Variants in BBS4 observed in about 807,000 individuals in gnomAD.
BBS4 encodes the protein BBSome complex member BBS4.
Under a neutral mutation model 71.4 loss-of-function variants are expected in BBS4, and 58 were observed. The observed-to-expected ratio is 0.81, with a 90% CI of 0.66 to 1.01. The LOEUF is 1.01. Among genes scored for constraint, BBS4 ranks in the 50% least tolerant of loss-of-function variants. BBS4 has a pLI of 0.00. For synonymous variants in BBS4, 228 were observed against 216.8 expected (o/e 1.05, Z -0.46); for missense variants, 660 against 607.9 (o/e 1.09, Z -0.90).
intron 4 of BBS4, among the ~76,000 whole-genome samples, chr15:72,714,914 C>T (rs945233047): frequency 6.6e-6 from 1 of 152,136 alleles, no homozygotes. Flanking sequence ...TTTGGGGGTT[C>T]GCTCTGAAAA....
intron 12 of BBS4, among the ~76,000 whole-genome samples, 199 bp downstream of exon 12, chr15:72,731,925 T>G (rs989683733): frequency 6.6e-6 from 1 of 152,194 alleles, no homozygotes; most frequent in African/African-American, 2.4e-5. Context: ...TGGGGGAGTT[T>G]GACTCAGAGA....
chr15:72,701,762 T>A (rs1226785566), intron 2 of BBS4, among the ~76,000 whole-genome samples: 2 of 152,206 alleles, frequency 1.3e-5, no homozygotes, highest in Admixed American at 6.5e-5. Context: ...TAGTTATTTT[T>A]AAAAATCATT....
At chr15:72,724,491 A>G in intron 7 of BBS4, 37 bp from the exon 8 acceptor site, 1 of 1,612,310 alleles carries the variant, frequency 6.2e-7, no homozygotes, top group Non-Finnish European at 8.5e-7. Flanking sequence ...GTTCAGTGGT[A>G]GTGATTTGGT....
intron 1 of BBS4, among the ~76,000 whole-genome samples, chr15:72,694,862 T>C (rs2065047083): frequency 6.6e-6 from 1 of 152,204 alleles, no homozygotes; most frequent in African/African-American, 2.4e-5. Context: ...GCATCAAGTA[T>C]AATACTCATA....
At chr15:72,728,821 A>G (rs777584141) in intron 9 of BBS4, among the ~76,000 whole-genome samples, 5 of 152,202 alleles carry the variant, frequency 3.3e-5, no homozygotes, top group Non-Finnish European at 7.4e-5. Context: ...CCTCTTCCCC[A>G]ATATACACAT....
chr15:72,715,849 T>C (rs2151023932), intron 5 of BBS4, among the ~76,000 whole-genome samples: 1 of 152,376 alleles, frequency 6.6e-6, no homozygotes, highest in East Asian at 1.9e-4. Flanking sequence ...AATTGTTATG[T>C]ATTCAGTAGA....
chr15:72,703,341 T>C (rs1041338741), intron 2 of BBS4, among the ~76,000 whole-genome samples: 9 of 152,350 alleles, frequency 5.9e-5, no homozygotes, highest in Non-Finnish European at 1.0e-4. Context: ...CCATTGCCTG[T>C]TCTCTGCATT....
intron 1 of BBS4, among the ~76,000 whole-genome samples, chr15:72,694,332 A>T (rs547818154): frequency 6.6e-6 from 1 of 151,822 alleles, no homozygotes; most frequent in African/African-American, 2.4e-5. Context: ...CTGGGACTAT[A>T]GGCACGTGCC....
chr15:72,735,195 T>C lies in BBS4; in HGVS notation c.1106+13T>C. The C allele has an allele frequency of 1.9e-6, 3 of 1,608,082 alleles. No individual in the cohort carries two copies. Among genetic ancestry groups the C allele is most frequent in the Admixed American group, 3.3e-5 (2 of 59,986 alleles). Reference sequence around the variant, plus strand: ...TCCACCTGGATAAGTATGCACTTTGTTGAGAATGGTACTGGCGGGGGTTGG... The same window carrying C: ...TCCACCTGGATAAGTATGCACTTTGCTGAGAATGGTACTGGCGGGGGTTGG... On this transcript the variant is annotated intron_variant, in intron 13 of 15. Coordinates refer to ENST00000268057, the MANE Select transcript of BBS4 (RefSeq NM_033028.5).
chr15:72,698,940 T>G (rs2065124729), intron 2 of BBS4, among the ~76,000 whole-genome samples: 1 of 152,206 alleles, frequency 6.6e-6, no homozygotes, highest in African/African-American at 2.4e-5. Context: ...CACCCTAAAG[T>G]CTACATGAAA....
At chr15:72,691,109 C>G (rs1029948221) in intron 1 of BBS4, among the ~76,000 whole-genome samples, 1 of 152,110 alleles carries the variant, frequency 6.6e-6, no homozygotes, top group East Asian at 1.9e-4. Flanking sequence ...CTCAACCTCC[C>G]GAGTAGCTGG....
In BBS4 at chr15:72,707,179, TTTC is replaced by T. The variant is rs1288917574; in HGVS notation, c.77-2518_77-2516del. ...TCTTCCCTTTCTTTTCCTTTTTTCT[TTTC>T]TTTTTTTTTTTTTGGAGACAGAATC... On this transcript the variant is annotated intron_variant, in intron 2 of 15. Coordinates refer to ENST00000268057, the MANE Select transcript of BBS4 (RefSeq NM_033028.5). 7.5e-5 allele frequency among the ~76,000 whole-genome samples: 11 copies of T among 147,422 alleles called. 3 individuals carry two copies. The highest frequency in any genetic ancestry group is 1.2e-4 in the Non-Finnish European group (8 of 66,580).
At chr15:72,709,020 T>TTA (rs1285307254) in intron 2 of BBS4, among the ~76,000 whole-genome samples, 1 of 152,230 alleles carries the variant, frequency 6.6e-6, no homozygotes, top group East Asian at 1.9e-4. Flanking sequence ...TGTTGGACCC[T>TTA]TATCAGGAGT....
At chr15:72,710,811 G>A (rs2065355382) in intron 3 of BBS4, among the ~76,000 whole-genome samples, 1 of 150,182 alleles carries the variant, frequency 6.7e-6, no homozygotes, top group African/African-American at 2.5e-5. Flanking sequence ...CTTTTTTTAA[G>A]TGGAGTTTTG....
chr15:72,710,253 T>C (rs1277444371), intron 3 of BBS4, among the ~76,000 whole-genome samples: 1 of 133,716 alleles, frequency 7.5e-6, no homozygotes, highest in Non-Finnish European at 1.5e-5. Flanking sequence ...TAGGCTGGAG[T>C]GCAGTGGCAT....
At chr15:72,713,045 G>C (rs1275974033) in intron 4 of BBS4, among the ~76,000 whole-genome samples, 3 of 150,262 alleles carry the variant, frequency 2.0e-5, no homozygotes, top group East Asian at 3.9e-4. Context: ...TAGAGAGACA[G>C]AGTCTCACTT....
chr15:72,686,360 G>A lies in BBS4; in HGVS notation c.24+109G>A, dbSNP rs769814930. 1.9e-5 allele frequency: 29 copies of A among 1,541,198 alleles called. No individual in the cohort carries two copies. The Middle Eastern group carries it at 5.0e-4, about 27-fold the overall frequency. ...GGAGAGAGGCGGAGCTGGGTGCCGA[G>A]CGTCTCAGGGTGGGCGGGGCGACAC... On this transcript the variant is annotated intron_variant, in intron 1 of 15. Transcript: ENST00000268057.
At chr15:72,717,077 C>A (rs757795327) in intron 6 of BBS4, 3 of 548,960 alleles carry the variant, frequency 5.5e-6, no homozygotes, top group African/African-American at 1.9e-5. Context: ...CAGTCTCTTA[C>A]CAGTCTGATT....
chr15:72,696,750 T>C (rs1169559666), intron 2 of BBS4, among the ~76,000 whole-genome samples: 1 of 152,058 alleles, frequency 6.6e-6, no homozygotes, highest in Non-Finnish European at 1.5e-5. Context: ...CATGCCTGGC[T>C]AATTTTTATG....
Sources: gnomAD v4.1 joint callset for allele counts (sites outside exome capture counted in the v4.1 genomes callset) on GRCh38, gnomAD v4.1.1 for gene constraint, MANE v1.5 for transcripts, NCBI Gene and HGNC (gene_info 2026-07-23, HGNC 2026-07-21) for gene names.